DHRSX: variants seen among roughly 807,000 people sequenced by gnomAD.
DHRSX encodes the protein dehydrogenase/reductase X-linked, also known as polyprenol dehydrogenase.
In DHRSX, 31 loss-of-function variants were observed where a neutral mutation model predicts 34.0. The ratio of observed to expected loss-of-function variants is 0.91; its 90% confidence interval spans 0.69 to 1.23. The LOEUF (loss-of-function observed/expected upper bound fraction) is 1.23. Ranked by LOEUF, DHRSX falls within the 50% of genes most tolerant of loss-of-function variation. DHRSX has a pLI of 0.00. For missense variants in DHRSX, 414 were observed against 428.1 expected (o/e 0.97, Z 0.29); for synonymous variants, 201 against 183.8 (o/e 1.09, Z -0.76).
chrX:2,372,647 T>G (rs28667034), intron 3 of DHRSX, among the ~76,000 whole-genome samples: 6 of 150,636 alleles, frequency 4.0e-5, no homozygotes, highest in Non-Finnish European at 8.9e-5. Flanking sequence ...TTCCTCTTGT[T>G]GCCCAGGCTG....
At chrX:2,408,707 A>AC in intron 3 of DHRSX, 38 bp downstream of exon 3, 2 of 1,578,034 alleles carry the variant, frequency 1.3e-6, no homozygotes, top group Middle Eastern at 1.7e-4. Flanking sequence ...CAAGGAAAAA[A>AC]AAAAACAAAA....
intron 5 of DHRSX, among the ~76,000 whole-genome samples, chrX:2,248,250 G>A (rs2016343922): frequency 2.6e-5 from 4 of 151,984 alleles, no homozygotes; most frequent in Non-Finnish European, 5.9e-5. Flanking sequence ...TGGCTAATAC[G>A]GTGAAACCCG....
intron 1 of DHRSX, among the ~76,000 whole-genome samples, chrX:2,458,699 A>T (rs1435419251): frequency 6.6e-6 from 1 of 152,080 alleles, no homozygotes; most frequent in Non-Finnish European, 1.5e-5. Context: ...GGCAAAGAAC[A>T]TAACATTTCA....
intron 3 of DHRSX, among the ~76,000 whole-genome samples, chrX:2,378,274 T>C (rs1464363808): frequency 6.6e-6 from 1 of 152,250 alleles, no homozygotes; most frequent in Non-Finnish European, 1.5e-5. Flanking sequence ...ATTTGACTTC[T>C]GTGGCTTTCA....
chrX:2,288,684 T>C (rs1314554512), intron 4 of DHRSX, among the ~76,000 whole-genome samples: 4 of 152,180 alleles, frequency 2.6e-5, no homozygotes, highest in East Asian at 1.9e-4. Context: ...CTCTGAGGCA[T>C]TGAGCGAAGG....
chrX:2,255,757 A>G (rs868331192), intron 5 of DHRSX, among the ~76,000 whole-genome samples: 3 of 151,602 alleles, frequency 2.0e-5, no homozygotes, highest in African/African-American at 7.2e-5. Flanking sequence ...CAAAAAAAAA[A>G]CACAAAAATT....
At chrX:2,381,535 T>C (rs1354176560) in intron 3 of DHRSX, among the ~76,000 whole-genome samples, 1 of 151,684 alleles carries the variant, frequency 6.6e-6, no homozygotes, top group Admixed American at 6.6e-5. Context: ...GGCAGGAGAA[T>C]CGCTTGAACC....
intron 3 of DHRSX, among the ~76,000 whole-genome samples, chrX:2,358,304 A>T (rs1490757036): frequency 6.6e-6 from 1 of 152,222 alleles, no homozygotes; most frequent in African/African-American, 2.4e-5. Context: ...AAACAAATTT[A>T]CAAAACAAAA....
intron 5 of DHRSX, among the ~76,000 whole-genome samples, chrX:2,263,379 G>T (rs957419451): frequency 6.6e-6 from 1 of 152,146 alleles, no homozygotes; most frequent in Admixed American, 6.6e-5. Flanking sequence ...CAGTGAGAAG[G>T]TGCCATGTGT....
rs746343033 is a variant in DHRSX, at chrX:2,465,120, G to A, written c.109+35697C>T. Among the ~76,000 whole-genome samples, 7 of 151,454 alleles carry A rather than the reference G, an allele frequency of 4.6e-5. No homozygotes were observed. The East Asian group carries it at 1.4e-3, about 30-fold the overall frequency. Reference sequence around the variant, plus strand: ...AGCATGCGGCCCAGGGACAGCCACCGTGTACACACTGAAGACATTCCCAAA... The same window carrying A: ...AGCATGCGGCCCAGGGACAGCCACCATGTACACACTGAAGACATTCCCAAA... On this transcript the variant is annotated intron_variant, in intron 1 of 6. Transcript: ENST00000334651.
intron 1 of DHRSX, among the ~76,000 whole-genome samples, chrX:2,447,030 G>A (rs1238480911): frequency 3.3e-5 from 5 of 151,248 alleles, no homozygotes; most frequent in Non-Finnish European, 5.9e-5. Context: ...CCAAGGGACC[G>A]CCACGGGTAC....
intron 3 of DHRSX, among the ~76,000 whole-genome samples, chrX:2,306,926 CTTTTT>C (rs779898766): frequency 1.5e-5 from 2 of 132,174 alleles, no homozygotes; most frequent in Non-Finnish European, 1.6e-5. Context: ...GGTCTTGGGG[CTTTTT>C]TTTTTTTTTT....
intron 4 of DHRSX, among the ~76,000 whole-genome samples, chrX:2,268,414 G>T (rs978347015): frequency 2.4e-4 from 37 of 152,166 alleles, no homozygotes; most frequent in African/African-American, 7.7e-4. Flanking sequence ...TACACGTAAC[G>T]CAAATACAGG....
intron 1 of DHRSX, among the ~76,000 whole-genome samples, chrX:2,471,792 G>A (rs1425185419): frequency 2.0e-5 from 3 of 152,066 alleles, no homozygotes; most frequent in Non-Finnish European, 4.4e-5. Flanking sequence ...ACAACGCCAT[G>A]TAAACTGGAT....
intron 3 of DHRSX, among the ~76,000 whole-genome samples, chrX:2,340,718 A>C (rs1265577012): frequency 6.6e-6 from 1 of 152,154 alleles, no homozygotes; most frequent in African/African-American, 2.4e-5. Flanking sequence ...TTGTCATTCA[A>C]GGATGCTTTC....
rs371397435 is a variant in DHRSX at position 2,282,339 on chromosome X, G to A, written c.388+9163C>T. On this transcript the variant is annotated intron_variant, in intron 4 of 6. Coordinates refer to ENST00000334651, the MANE Select transcript of DHRSX (RefSeq NM_145177.3). ...ACAGGGAGAGAGAGGGAGGGCAAAC[G>A]AGAAAGGAAGAGAGAAGGAGAGGGA... is the stretch of plus-strand genomic sequence containing the variant. 4.8e-3 allele frequency among the ~76,000 whole-genome samples: 559 copies of A among 115,970 alleles called. 75 individuals are homozygous for A. Among genetic ancestry groups the A allele is most frequent in the African/African-American group, 0.013 (413 of 31,134 alleles). The allele number at this position is 115,970 out of a possible 152,430, so 76.1% of individuals were successfully genotyped here.
intron 3 of DHRSX, among the ~76,000 whole-genome samples, chrX:2,395,342 G>T (rs1219592143): frequency 2.6e-5 from 4 of 152,206 alleles, no homozygotes; most frequent in African/African-American, 9.6e-5. Flanking sequence ...GGGCCAGCCA[G>T]GGGGTGGAGG....
chrX:2,410,098 G>A (rs1251652055), intron 2 of DHRSX, among the ~76,000 whole-genome samples: 6 of 152,098 alleles, frequency 3.9e-5, no homozygotes, highest in Middle Eastern at 3.2e-3. Context: ...TGTTGTCTTC[G>A]TCATTTTTTC....
intron 2 of DHRSX, among the ~76,000 whole-genome samples, 174 bp downstream of exon 2, chrX:2,425,023 C>T (rs2043824509): frequency 1.3e-5 from 2 of 151,946 alleles, no homozygotes; most frequent in South Asian, 4.2e-4. Context: ...GTCTGTAAAC[C>T]CAGCTACTCG....
Sources: gnomAD v4.1 joint callset for allele counts (sites outside exome capture counted in the v4.1 genomes callset) on GRCh38, gnomAD v4.1.1 for gene constraint, MANE v1.5 for transcripts, NCBI Gene and HGNC (gene_info 2026-07-23, HGNC 2026-07-21) for gene names.